Variants in RIMBP2 observed in about 807,000 individuals in gnomAD.
RIMBP2 encodes RIMS binding protein 2, also known as RIMS-binding protein 2.
In RIMBP2, 48 loss-of-function variants were observed where a neutral mutation model predicts 118.6. The observed-to-expected ratio is 0.40, with a 90% CI of 0.32 to 0.51. RIMBP2 has a LOEUF of 0.51. Ranked by LOEUF, RIMBP2 falls within the 20% of genes least tolerant of loss-of-function variation. The probability of loss-of-function intolerance (pLI) is 0.41; values close to 1 mark genes in which losing one functional copy is unlikely to be tolerated. For synonymous variants in RIMBP2, 762 were observed against 742.9 expected (o/e 1.03, Z -0.42); for missense variants, 1,551 against 1,768.3 (o/e 0.88, Z 2.20).
intron 6 of RIMBP2, among the ~76,000 whole-genome samples, chr12:130,468,552 G>A (rs924351858): frequency 5.3e-5 from 8 of 152,108 alleles, no homozygotes; most frequent in African/African-American, 1.9e-4. Flanking sequence ...CTGTCTCGGG[G>A]GCAACCCAGC....
intron 1 of RIMBP2, among the ~76,000 whole-genome samples, chr12:130,642,474 G>A (rs1253253881): frequency 2.0e-5 from 3 of 152,202 alleles, no homozygotes; most frequent in South Asian, 4.2e-4. Flanking sequence ...TAGTGGAGAC[G>A]GGGTGTCGCC....
At chr12:130,459,929 C>A (rs1010822067) in intron 6 of RIMBP2, among the ~76,000 whole-genome samples, 1 of 152,210 alleles carries the variant, frequency 6.6e-6, no homozygotes. Flanking sequence ...CCTGGCCCAT[C>A]AGTCCATCCT....
At chr12:130,711,357 T>C (rs1337527512) in intron 1 of RIMBP2, among the ~76,000 whole-genome samples, 3 of 152,238 alleles carry the variant, frequency 2.0e-5, no homozygotes, top group African/African-American at 7.2e-5. Flanking sequence ...ATTACCCTTT[T>C]CACGTTTTGC....
At chr12:130,679,534 G>A (rs2064666268) in intron 1 of RIMBP2, among the ~76,000 whole-genome samples, 1 of 152,220 alleles carries the variant, frequency 6.6e-6, no homozygotes. Flanking sequence ...GATGGACGGG[G>A]CATGAGAGCT....
intron 7 of RIMBP2, among the ~76,000 whole-genome samples, chr12:130,453,745 G>A (rs896628070): frequency 2.6e-5 from 4 of 152,294 alleles, no homozygotes; most frequent in Non-Finnish European, 5.9e-5. Flanking sequence ...ACACATAAAC[G>A]TGAATGCAGC....
chr12:130,656,738 T>C (rs948552359), intron 1 of RIMBP2, among the ~76,000 whole-genome samples: 6 of 147,452 alleles, frequency 4.1e-5, no homozygotes, highest in African/African-American at 1.5e-4. Flanking sequence ...ATTTATGTAC[T>C]AAAAAAAAAA....
chr12:130,438,335 A>AACCCACCCC, intron 12 of RIMBP2, 30 bp downstream of exon 12: 1 of 865,012 alleles, frequency 1.2e-6, no homozygotes, highest in African/African-American at 1.7e-5. Flanking sequence ...GGCCTAACAA[A>AACCCACCCC]CCCTCCCCAC....
intron 12 of RIMBP2, 47 bp from the exon 13 acceptor site, chr12:130,437,338 G>A (rs1317202683): frequency 1.4e-5 from 21 of 1,487,886 alleles, no homozygotes; most frequent in Middle Eastern, 1.7e-4. Flanking sequence ...GGTGAGCCCC[G>A]CGGTCCTGCA....
chr12:130,631,573 C>T (rs545483617), intron 1 of RIMBP2, among the ~76,000 whole-genome samples: 51 of 152,158 alleles, frequency 3.4e-4, no homozygotes, highest in South Asian at 1.2e-3. Flanking sequence ...TGTCTCCCAA[C>T]GCCAACCCTG....
intron 17 of RIMBP2, among the ~76,000 whole-genome samples, chr12:130,416,009 C>G (rs2076080204): frequency 6.6e-6 from 1 of 152,038 alleles, no homozygotes; most frequent in South Asian, 2.1e-4. Context: ...AACCAAGACA[C>G]ACAGAATGTA....
chr12:130,552,772 G>C (rs527389472), intron 2 of RIMBP2, among the ~76,000 whole-genome samples: 97 of 152,186 alleles, frequency 6.4e-4, no homozygotes, highest in Non-Finnish European at 1.0e-3. Context: ...TACATCCCAG[G>C]GTGACAGAGC....
chr12:130,411,120 A>G (rs182464316), intron 19 of RIMBP2, among the ~76,000 whole-genome samples: 52 of 152,358 alleles, frequency 3.4e-4, no homozygotes, highest in East Asian at 2.9e-3. Flanking sequence ...AAACGGCACT[A>G]CTTTTAAAAA....
At chr12:130,694,365 A>C (rs1170125049) in intron 1 of RIMBP2, among the ~76,000 whole-genome samples, 1 of 152,214 alleles carries the variant, frequency 6.6e-6, no homozygotes, top group African/African-American at 2.4e-5. Context: ...TAGGAGGCAG[A>C]AAAATCATCT....
At chr12:130,658,439 A>C (rs1304191030) in intron 1 of RIMBP2, 1 of 152,224 alleles carries the variant, frequency 6.6e-6, no homozygotes, top group Admixed American at 6.5e-5. Context: ...CACAGTCTCT[A>C]TGCTGCATGT....
intron 4 of RIMBP2, among the ~76,000 whole-genome samples, chr12:130,484,015 C>T (rs983441403): frequency 6.6e-6 from 1 of 152,178 alleles, no homozygotes; most frequent in Non-Finnish European, 1.5e-5. Flanking sequence ...GAAGTTCCCC[C>T]AGGCACTGGC....
Position 130,450,154 on chromosome 12 carries a change from T to A in RIMBP2, c.581+46A>T. The A allele has an allele frequency of 8.0e-7, 1 of 1,245,642 alleles. No individual in the cohort carries two copies. Among genetic ancestry groups the A allele is most frequent in the Non-Finnish European group, 1.2e-6 (1 of 860,738 alleles). The allele number at this position is 1,245,642 out of a possible 1,614,324, so 77.2% of individuals were successfully genotyped here. A position where few individuals can be genotyped will look rare whatever the true frequency, so the allele number is the denominator to read the frequency against. On this transcript the variant is annotated intron_variant, in intron 9 of 22. Transcript: ENST00000690449. The surrounding 1 kb of genome is among the most constrained non-coding windows in gnomAD (Gnocchi z 4.8). ...GTGTTCCCAGACCCAACATCTCATC[T>A]GCCCCACTCACAGGGGCTCGGTGGA...
chr12:130,660,666 C>G (rs2063619851), intron 1 of RIMBP2: 1 of 152,156 alleles, frequency 6.6e-6, no homozygotes, highest in Non-Finnish European at 1.5e-5. Flanking sequence ...GTGGGGCCAC[C>G]CTGCCTGCGC....
intron 2 of RIMBP2, among the ~76,000 whole-genome samples, chr12:130,559,572 A>G (rs2056647323): frequency 6.6e-6 from 1 of 152,170 alleles, no homozygotes; most frequent in Admixed American, 6.5e-5. Flanking sequence ...GCTGAGGGAC[A>G]CTTAGGTTGA....
At chr12:130,611,250 C>T (rs2060526474) in intron 2 of RIMBP2, among the ~76,000 whole-genome samples, 2 of 152,228 alleles carry the variant, frequency 1.3e-5, no homozygotes, top group South Asian at 4.1e-4. Context: ...ATCCCACGAG[C>T]TCTGTCCCCA....
Sources: allele counts gnomAD v4.1 joint callset (sites outside exome capture counted in the v4.1 genomes callset), GRCh38; gene constraint gnomAD v4.1.1; non-coding constraint Gnocchi (gnomAD v3.1); transcripts MANE v1.5; gene names NCBI Gene and HGNC (gene_info 2026-07-23, HGNC 2026-07-21).